MNAT1: variants seen among roughly 807,000 people sequenced by gnomAD.
MNAT1 encodes CDK-activating kinase assembly factor MAT1.
Under a neutral mutation model 42.0 loss-of-function variants are expected in MNAT1, and 43 were observed. The observed-to-expected ratio is 1.02, with a 90% CI of 0.80 to 1.32. The LOEUF (loss-of-function observed/expected upper bound fraction) is 1.32. MNAT1 is among the 40% of genes most tolerant of loss of function. The pLI is 0.00. For missense variants in MNAT1, 306 were observed against 350.4 expected, an observed-to-expected ratio of 0.87 and a Z score of 1.01; for synonymous variants, 118 against 120.0, an observed-to-expected ratio of 0.98 and a Z score of 0.11.
At chr14:60,749,254 A>G (rs570823800) in intron 1 of MNAT1, among the ~76,000 whole-genome samples, 1 of 152,336 alleles carries the variant, frequency 6.6e-6, no homozygotes, top group South Asian at 2.1e-4. Context: ...TTGTATTCCA[A>G]GAGTCAAACA....
chr14:60,770,106 T>A (rs773256763), intron 1 of MNAT1, among the ~76,000 whole-genome samples: 27 of 152,210 alleles, frequency 1.8e-4, no homozygotes, highest in Non-Finnish European at 3.8e-4. Flanking sequence ...TTTTCTGCCC[T>A]TTGCCTTTGA....
At chr14:60,935,784 T>C (rs1441178157) in intron 7 of MNAT1, among the ~76,000 whole-genome samples, 1 of 152,094 alleles carries the variant, frequency 6.6e-6, no homozygotes, top group East Asian at 1.9e-4. Context: ...AAACATATAG[T>C]TGAAGATGCA....
chr14:60,758,859 T>C (rs2030477513), intron 1 of MNAT1, among the ~76,000 whole-genome samples: 1 of 152,222 alleles, frequency 6.6e-6, no homozygotes, highest in Non-Finnish European at 1.5e-5. Context: ...AATTTTTTAA[T>C]ATTTTCTGTT....
intron 6 of MNAT1, among the ~76,000 whole-genome samples, chr14:60,855,370 C>T (rs1468636170): frequency 6.6e-6 from 1 of 152,196 alleles, no homozygotes; most frequent in Admixed American, 6.5e-5. Flanking sequence ...TAAAAAAAAC[C>T]TCCTGCAGCT....
At chr14:60,773,702 T>C (rs1352917250) in intron 1 of MNAT1, among the ~76,000 whole-genome samples, 1 of 152,104 alleles carries the variant, frequency 6.6e-6, no homozygotes, top group East Asian at 1.9e-4. Context: ...CTGCTGCTGC[T>C]GATTCCACTT....
chr14:60,820,214 G>A (rs569376832), intron 6 of MNAT1, among the ~76,000 whole-genome samples: 2 of 152,042 alleles, frequency 1.3e-5, no homozygotes, highest in Non-Finnish European at 2.9e-5. Flanking sequence ...ATGACACAAT[G>A]TAGCTACAAG....
At chr14:60,765,000 C>T (rs911174461) in intron 1 of MNAT1, among the ~76,000 whole-genome samples, 11 of 152,202 alleles carry the variant, frequency 7.2e-5, no homozygotes, top group African/African-American at 2.7e-4. Flanking sequence ...CTTGTAATCC[C>T]AGCACTTTGG....
intron 6 of MNAT1, among the ~76,000 whole-genome samples, chr14:60,872,839 C>T (rs1037775172): frequency 1.4e-5 from 2 of 141,810 alleles, no homozygotes; most frequent in African/African-American, 5.8e-5. Context: ...CACACATACA[C>T]ACACACACAC....
At chr14:60,845,992 C>T (rs759777125) in intron 6 of MNAT1, among the ~76,000 whole-genome samples, 43 of 152,046 alleles carry the variant, frequency 2.8e-4, no homozygotes, top group Non-Finnish European at 5.1e-4. Flanking sequence ...TACCAGTGAA[C>T]CATCTGGTTT....
At chr14:60,881,460 A>G (rs767828106) in intron 7 of MNAT1, among the ~76,000 whole-genome samples, 33 of 152,290 alleles carry the variant, frequency 2.2e-4, no homozygotes, top group Non-Finnish European at 2.2e-4. Context: ...TGCTGGGATT[A>G]CAAGTGTGAA....
intron 1 of MNAT1, among the ~76,000 whole-genome samples, chr14:60,778,179 G>A (rs1656551985): frequency 2.6e-5 from 4 of 152,168 alleles, no homozygotes; most frequent in African/African-American, 7.2e-5. Flanking sequence ...AGAGTGAAAT[G>A]ACATTGAAAT....
At chr14:60,793,666 C>G (rs1489725350) in intron 1 of MNAT1, among the ~76,000 whole-genome samples, 2 of 151,928 alleles carry the variant, frequency 1.3e-5, no homozygotes, top group East Asian at 3.9e-4. Flanking sequence ...AGCAACTAGG[C>G]CTGGCCTGTT....
chr14:60,818,987 A>G (rs1056703570), intron 6 of MNAT1, 140 bp downstream of exon 6: 15 of 873,904 alleles, frequency 1.7e-5, no homozygotes, highest in Non-Finnish European at 2.3e-5. Flanking sequence ...GTCTGGAAAT[A>G]TGGATGGGTG....
intron 1 of MNAT1, among the ~76,000 whole-genome samples, chr14:60,754,448 A>G (rs1047485879): frequency 1.3e-4 from 19 of 151,572 alleles, no homozygotes; most frequent in Non-Finnish European, 4.4e-5. Context: ...CCCAGGTTCA[A>G]GCGATTCTGC....
intron 6 of MNAT1, among the ~76,000 whole-genome samples, chr14:60,856,440 A>G: frequency 6.6e-6 from 1 of 152,230 alleles, no homozygotes; most frequent in Non-Finnish European, 1.5e-5. Context: ...AGCTAGCAGA[A>G]GTTAATTCAT....
In MNAT1 at chr14:60,829,194, AC is replaced by A. The variant is rs1054285591; in HGVS notation, c.687+10349del. On this transcript the variant is annotated intron_variant, in intron 6 of 7. Coordinates refer to ENST00000261245, the MANE Select transcript of MNAT1 (RefSeq NM_002431.4). ...AGCCCCTGTTCTGAGGCTATCCAGG[AC>A]CACCCAGCCATCTTATTAGCATACA... Among the ~76,000 whole-genome samples the A allele has an allele frequency of 4.3e-4, 65 of 152,230 alleles. 1 individual carries two copies. The highest frequency in any genetic ancestry group is 1.4e-3 in the African/African-American group (58 of 41,538).
intron 7 of MNAT1, among the ~76,000 whole-genome samples, chr14:60,896,380 T>C (rs1031101543): frequency 1.3e-5 from 2 of 152,182 alleles, no homozygotes; most frequent in Non-Finnish European, 2.9e-5. Flanking sequence ...AGTTAATATT[T>C]TACTACCTTC....
At chr14:60,847,921 T>G (rs959690043) in intron 6 of MNAT1, among the ~76,000 whole-genome samples, 1 of 152,112 alleles carries the variant, frequency 6.6e-6, no homozygotes, top group African/African-American at 2.4e-5. Flanking sequence ...CCATACAGTT[T>G]TACAGGTTTT....
chr14:60,776,572 G>T lies in MNAT1; in HGVS notation c.90-19645G>T, dbSNP rs181705303. Among the ~76,000 whole-genome samples the T allele has an allele frequency of 3.2e-3, 490 of 152,140 alleles. 3 individuals are homozygous for T. Among genetic ancestry groups the T allele is most frequent in the Admixed American group, 8.4e-3 (128 of 15,264 alleles). ...AAGCCAGATGCTGAAAACTGTCCTG[G>T]GGGGGGAGGAGCAGATACTTTTAGG... On this transcript the variant is annotated intron_variant, in intron 1 of 7. Transcript: ENST00000261245.
Sources: gnomAD v4.1 joint callset for allele counts (sites outside exome capture counted in the v4.1 genomes callset) on GRCh38, gnomAD v4.1.1 for gene constraint, MANE v1.5 for transcripts, NCBI Gene and HGNC (gene_info 2026-07-23, HGNC 2026-07-21) for gene names.